FAM135B: variants seen among roughly 807,000 people sequenced by gnomAD.
The protein encoded by FAM135B is family with sequence similarity 135 member B.
FAM135B carries 43 observed loss-of-function variants against 127.7 expected under a neutral mutation model. The ratio of observed to expected loss-of-function variants is 0.34; its 90% confidence interval spans 0.26 to 0.43. FAM135B has a LOEUF of 0.43. Ranked by LOEUF, FAM135B falls within the 20% of genes least tolerant of loss-of-function variation. FAM135B has a pLI of 1.00. For missense variants in FAM135B, 1,558 were observed against 1,725.6 expected (o/e 0.90, Z 1.72); for synonymous variants, 670 against 665.1 (o/e 1.01, Z -0.11).
chr8:138,373,722 G>A (rs1032719937), intron 1 of FAM135B, among the ~76,000 whole-genome samples: 1 of 151,950 alleles, frequency 6.6e-6, no homozygotes, highest in Non-Finnish European at 1.5e-5. Flanking sequence ...GCCCCTGAGG[G>A]TGAGTCTCTA....
chr8:138,138,916 C>A (rs981533745), intron 18 of FAM135B, 70 bp downstream of exon 18: 1 of 963,776 alleles, frequency 1.0e-6, no homozygotes, highest in Non-Finnish European at 1.7e-6. Flanking sequence ...AGCATTATAT[C>A]TCATTTGTGT....
intron 1 of FAM135B, among the ~76,000 whole-genome samples, chr8:138,403,615 G>A (rs1172213869): frequency 6.6e-6 from 1 of 152,208 alleles, no homozygotes; most frequent in Non-Finnish European, 1.5e-5. Flanking sequence ...AGAGAAGGTT[G>A]ACAAGGCATC....
chr8:138,156,649 T>C (rs1008590217), intron 12 of FAM135B, among the ~76,000 whole-genome samples: 4 of 151,954 alleles, frequency 2.6e-5, no homozygotes, highest in African/African-American at 9.7e-5. Context: ...CAAACTACCA[T>C]CAGAGAATAC....
chr8:138,364,912 A>G (rs1830648447), intron 2 of FAM135B, among the ~76,000 whole-genome samples: 1 of 152,102 alleles, frequency 6.6e-6, no homozygotes, highest in African/African-American at 2.4e-5. Context: ...CAGTAGCACA[A>G]TCTCAGCTCA....
intron 2 of FAM135B, among the ~76,000 whole-genome samples, chr8:138,356,157 A>G (rs544485114): frequency 3.9e-5 from 6 of 152,250 alleles, no homozygotes; most frequent in African/African-American, 1.2e-4. Flanking sequence ...CTGTGAGAAA[A>G]TAAGTGTATG....
chr8:138,153,475 AAGC>A (rs1443407982), intron 12 of FAM135B, among the ~76,000 whole-genome samples: 1 of 152,098 alleles, frequency 6.6e-6, no homozygotes, highest in Non-Finnish European at 1.5e-5. Context: ...GTGTGAGACA[AAGC>A]AGGGCGGGGC....
intron 12 of FAM135B, among the ~76,000 whole-genome samples, chr8:138,154,266 C>T (rs1289242625): frequency 2.6e-5 from 2 of 77,704 alleles, no homozygotes; most frequent in Non-Finnish European, 5.4e-5. Flanking sequence ...AAAGGACATC[C>T]ACACCAAAAC....
At position 138,141,087 on chromosome 8, in the gene FAM135B, G is replaced by A. The variant is rs945787894; in HGVS notation, c.3790+111C>T. ...GGACTCCTCCCTCCATGCCATGCTT[G>A]GAAAAGACTGCACAGTCACAGGGTT... is the stretch of plus-strand genomic sequence containing the variant. On this transcript the variant is annotated intron_variant, in intron 17 of 19. Coordinates refer to ENST00000395297, the MANE Select transcript of FAM135B (RefSeq NM_015912.4). This position sits in a 1 kb window ranked among gnomAD's most constrained non-coding sequence, Gnocchi z 4.7. 2.8e-6 allele frequency: 3 copies of A among 1,060,042 alleles called. No homozygotes were observed. The highest frequency in any genetic ancestry group is 3.2e-5 in the African/African-American group (2 of 62,868). The allele number at this position is 1,060,042 out of a possible 1,614,324, so 65.7% of individuals were successfully genotyped here.
In FAM135B at chr8:138,423,851, A is replaced by G. The variant is rs146199457; in HGVS notation, c.-19-55849T>C. On this transcript the variant is annotated intron_variant, in intron 1 of 19. Coordinates refer to ENST00000395297, the MANE Select transcript of FAM135B (RefSeq NM_015912.4). Reference sequence around the variant, plus strand: ...CAGCTCGACCATAAAAGACGGCTGCACCCCAGGGGGCCATTTTAGAGGCCT... The same window carrying G: ...CAGCTCGACCATAAAAGACGGCTGCGCCCCAGGGGGCCATTTTAGAGGCCT... 7.5e-3 allele frequency among the ~76,000 whole-genome samples: 1,145 copies of G among 152,134 alleles called. 36 individuals carry two copies. The East Asian group carries it at 0.1, about 13-fold the overall frequency.
At chr8:138,292,366 G>T (rs992521713) in intron 3 of FAM135B, among the ~76,000 whole-genome samples, 1 of 151,990 alleles carries the variant, frequency 6.6e-6, no homozygotes, top group African/African-American at 2.4e-5. Flanking sequence ...TAGATTTGAT[G>T]TAAGCCCTTA....
intron 2 of FAM135B, among the ~76,000 whole-genome samples, chr8:138,357,516 T>C (rs545401635): frequency 6.6e-6 from 1 of 152,312 alleles, no homozygotes; most frequent in East Asian, 1.9e-4. Flanking sequence ...TTTTTCTTTG[T>C]ACTTTTTCTT....
intron 14 of FAM135B, among the ~76,000 whole-genome samples, chr8:138,147,201 T>C (rs991320805): frequency 6.6e-5 from 10 of 152,098 alleles, no homozygotes; most frequent in African/African-American, 2.4e-4. Context: ...CTTTCATTTT[T>C]GTCAGTAAAA....
rs373312031 is a variant in FAM135B at position 138,232,100 on chromosome 8, C to G, written c.669+10842G>C. Among the ~76,000 whole-genome samples the G allele has an allele frequency of 1.1e-4, 17 of 152,362 alleles. No individual in the cohort carries two copies. The East Asian group carries it at 2.5e-3, about 22-fold the overall frequency. ...CTCTCACAGTTAATCCATGGGAAAA[C>G]CCAAGATTAGCCCTACCAGGTTTCC... On this transcript the variant is annotated intron_variant, in intron 7 of 19. Coordinates refer to ENST00000395297, the MANE Select transcript of FAM135B (RefSeq NM_015912.4).
At chr8:138,269,485 C>G (rs540203227) in intron 3 of FAM135B, among the ~76,000 whole-genome samples, 1 of 152,214 alleles carries the variant, frequency 6.6e-6, no homozygotes, top group African/African-American at 2.4e-5. Flanking sequence ...ATTCCCCAGG[C>G]CTGAAGCCAG....
At chr8:138,205,891 G>T (rs1204809766) in intron 7 of FAM135B, among the ~76,000 whole-genome samples, 1 of 151,858 alleles carries the variant, frequency 6.6e-6, no homozygotes, top group Admixed American at 6.6e-5. Flanking sequence ...CCTGGTCAAG[G>T]TCATGTTCTG....
intron 1 of FAM135B, among the ~76,000 whole-genome samples, chr8:138,472,218 C>T (rs150310811): frequency 2.0e-5 from 3 of 152,020 alleles, no homozygotes; most frequent in East Asian, 1.9e-4. Context: ...GAAATTTCTA[C>T]AATATGTATA....
intron 1 of FAM135B, among the ~76,000 whole-genome samples, chr8:138,369,894 G>T (rs1275995905): frequency 2.0e-5 from 3 of 152,202 alleles, no homozygotes; most frequent in Non-Finnish European, 4.4e-5. Flanking sequence ...GGGGTTGTCG[G>T]CTTTCCATTA....
At chr8:138,277,691 T>C (rs1198529005) in intron 3 of FAM135B, among the ~76,000 whole-genome samples, 5 of 152,084 alleles carry the variant, frequency 3.3e-5, no homozygotes, top group African/African-American at 1.2e-4. Context: ...TGATGCAAGA[T>C]CCCACACATT....
intron 3 of FAM135B, among the ~76,000 whole-genome samples, chr8:138,292,642 T>C (rs1025708350): frequency 5.3e-5 from 8 of 151,994 alleles, no homozygotes; most frequent in Non-Finnish European, 7.4e-5. Flanking sequence ...TCATATTGAG[T>C]TCATATAAAA....
Sources: allele counts gnomAD v4.1 joint callset (sites outside exome capture counted in the v4.1 genomes callset), GRCh38; gene constraint gnomAD v4.1.1; non-coding constraint Gnocchi (gnomAD v3.1); transcripts MANE v1.5; gene names NCBI Gene and HGNC (gene_info 2026-07-23, HGNC 2026-07-21).